ITPR1: variants seen among roughly 807,000 people sequenced by gnomAD.
ITPR1 encodes inositol 1,4,5-trisphosphate-gated calcium channel ITPR1.
In ITPR1, 96 loss-of-function variants were observed where a neutral mutation model predicts 318.4. The observed-to-expected ratio is 0.30, with a 90% CI of 0.26 to 0.36. The LOEUF is 0.36. Ranked by LOEUF, ITPR1 falls within the 10% of genes least tolerant of loss-of-function variation. The pLI is 1.00. For synonymous variants in ITPR1, 1,312 were observed against 1,289.9 expected (o/e 1.02, Z -0.37); for missense variants, 2,440 against 3,460.2 (o/e 0.71, Z 7.40).
chr3:4,810,762 C>T (rs7612703), intron 55 of ITPR1, among the ~76,000 whole-genome samples: 16,790 of 152,242 alleles, frequency 0.11, 1,002 homozygotes, highest in Middle Eastern at 0.19. Context: ...CGAGATCATA[C>T]GGTGGACAGT....
intron 33 of ITPR1, 53 bp downstream of exon 33, chr3:4,693,794 G>T: frequency 6.5e-7 from 1 of 1,548,894 alleles, no homozygotes; most frequent in Non-Finnish European, 8.8e-7. Context: ...GGTGTGTGCT[G>T]TCGTGGCTCA....
At chr3:4,696,392 C>G (rs2094558272) in intron 33 of ITPR1, among the ~76,000 whole-genome samples, 1 of 152,138 alleles carries the variant, frequency 6.6e-6, no homozygotes, top group South Asian at 2.1e-4. Context: ...ATTTTGTCAC[C>G]TACATGATTT....
chr3:4,845,186 C>G (rs1023024041), intron 61 of ITPR1, among the ~76,000 whole-genome samples: 8 of 152,224 alleles, frequency 5.3e-5, no homozygotes, highest in African/African-American at 1.4e-4. Context: ...CCTAATTCCT[C>G]TACAATTTTA....
rs529825842 is a variant in ITPR1, at chr3:4,612,234, A to G, written c.164-15529A>G. On this transcript the variant is annotated intron_variant, in intron 4 of 61. Transcript: ENST00000649015. ...CCACCACCACGCCTGGCTAATTTTT[A>G]TACATTTAGTAGAGACAGCGTTTCA... Among the ~76,000 whole-genome samples the G allele has an allele frequency of 5.3e-5, 8 of 151,538 alleles. No individual in the cohort carries two copies. In the South Asian group the frequency reaches 1.0e-3, roughly 20 times the overall value.
At chr3:4,526,664 A>G (rs1285376869) in intron 4 of ITPR1, among the ~76,000 whole-genome samples, 1 of 152,230 alleles carries the variant, frequency 6.6e-6, no homozygotes. Context: ...GAACCCACCT[A>G]TGAGGTGTAG....
chr3:4,542,774 A>G (rs1374923126), intron 4 of ITPR1, among the ~76,000 whole-genome samples: 1 of 152,142 alleles, frequency 6.6e-6, no homozygotes, highest in Non-Finnish European at 1.5e-5. Context: ...ACCTGGCACT[A>G]GTATCATAAT....
At chr3:4,683,913 G>T in intron 28 of ITPR1, 115 bp downstream of exon 28, 2 of 957,858 alleles carry the variant, frequency 2.1e-6, no homozygotes, top group Non-Finnish European at 3.1e-6. Context: ...CAAGAGATCT[G>T]CTTGTTAAGT....
At chr3:4,555,927 G>A (rs1378198446) in intron 4 of ITPR1, among the ~76,000 whole-genome samples, 1 of 152,108 alleles carries the variant, frequency 6.6e-6, no homozygotes, top group Non-Finnish European at 1.5e-5. Context: ...CATATGGCTC[G>A]AAGTCAGGAT....
intron 44 of ITPR1, among the ~76,000 whole-genome samples, chr3:4,743,233 T>C (rs1375940417): frequency 6.6e-6 from 1 of 152,240 alleles, no homozygotes; most frequent in Non-Finnish European, 1.5e-5. Context: ...ACACCCTTCT[T>C]CACCATTCCC....
rs992203455 is a variant in ITPR1, at chr3:4,543,258, T to C, written c.163+22164T>C. On this transcript the variant is annotated intron_variant, in intron 4 of 61. Transcript: ENST00000649015. The stretch of plus-strand genomic sequence containing the variant: ...GCCTGGGCGACAGAGCAAGAGCCTG[T>C]CTCAAAAAAAAAAAAGAGAAAAAAA... Among the ~76,000 whole-genome samples the C allele has an allele frequency of 4.0e-5, 6 of 149,584 alleles. 1 individual carries two copies. The highest frequency in any genetic ancestry group is 1.2e-4 in the African/African-American group (5 of 40,274).
chr3:4,593,199 G>A (rs769430790), intron 4 of ITPR1, among the ~76,000 whole-genome samples: 6 of 152,172 alleles, frequency 3.9e-5, no homozygotes, highest in Non-Finnish European at 5.9e-5. Flanking sequence ...ATGGCACTTG[G>A]AACTGTCTAA....
At chr3:4,818,431 T>C (rs1343640709) in intron 60 of ITPR1, among the ~76,000 whole-genome samples, 189 bp downstream of exon 60, 1 of 152,090 alleles carries the variant, frequency 6.6e-6, no homozygotes, top group East Asian at 1.9e-4. Context: ...TCAGAACCAC[T>C]AGATAGGTGG....
At position 4,591,934 on chromosome 3, in the gene ITPR1, C is replaced by G. The variant is rs575832486; in HGVS notation, c.164-35829C>G. On this transcript the variant is annotated intron_variant, in intron 4 of 61. Coordinates refer to ENST00000649015, the MANE Select transcript of ITPR1 (RefSeq NM_001378452.1). Reference sequence around the variant, plus strand: ...TACATAATCAGACTTTTCAAGGATACAGATTGAAAGGGCTTTTCAGTTAGG... The same window carrying G: ...TACATAATCAGACTTTTCAAGGATAGAGATTGAAAGGGCTTTTCAGTTAGG... Among the ~76,000 whole-genome samples the G allele has an allele frequency of 1.4e-4, 21 of 152,228 alleles. No homozygotes were observed. The South Asian group carries it at 4.4e-3, about 32-fold the overall frequency.
chr3:4,704,481 C>A (rs929501101), intron 36 of ITPR1, among the ~76,000 whole-genome samples: 20 of 152,220 alleles, frequency 1.3e-4, no homozygotes, highest in Non-Finnish European at 2.4e-4. Context: ...TCGATCATAC[C>A]CTAAACCTCA....
intron 4 of ITPR1, among the ~76,000 whole-genome samples, chr3:4,626,206 G>C (rs1339537496): frequency 6.6e-6 from 1 of 152,028 alleles, no homozygotes; most frequent in African/African-American, 2.4e-5. Flanking sequence ...GTGTGTGTGT[G>C]TGTATTTTTA....
At chr3:4,829,089 G>A (rs1470212) in intron 60 of ITPR1, among the ~76,000 whole-genome samples, 151,228 of 152,330 alleles carry the variant, frequency 0.99, 75,075 homozygotes, top group East Asian at 1. Flanking sequence ...TTTCCAGTTT[G>A]TGGGACATTT....
At chr3:4,564,600 G>T (rs868659532) in intron 4 of ITPR1, among the ~76,000 whole-genome samples, 2 of 152,162 alleles carry the variant, frequency 1.3e-5, no homozygotes, top group Non-Finnish European at 2.9e-5. Context: ...AGAGGTGATT[G>T]GGATTAGTGC....
intron 4 of ITPR1, among the ~76,000 whole-genome samples, chr3:4,521,319 A>G (rs1404807048): frequency 6.6e-6 from 1 of 152,156 alleles, no homozygotes; most frequent in African/African-American, 2.4e-5. Flanking sequence ...TCTATTGAAT[A>G]TGTGTTGACA....
chr3:4,722,693 A>G (rs2042246420), intron 40 of ITPR1, among the ~76,000 whole-genome samples: 1 of 152,166 alleles, frequency 6.6e-6, no homozygotes, highest in Admixed American at 6.5e-5. Context: ...AGTATAGGCT[A>G]TGGGTGGTTT....
Sources: gnomAD v4.1 joint callset for allele counts (sites outside exome capture counted in the v4.1 genomes callset) on GRCh38, gnomAD v4.1.1 for gene constraint, MANE v1.5 for transcripts, NCBI Gene and HGNC (gene_info 2026-07-23, HGNC 2026-07-21) for gene names.